PCSK5: variants seen among roughly 807,000 people sequenced by gnomAD.
PCSK5 encodes the protein proprotein convertase subtilisin/kexin type 5.
Under a neutral mutation model 233.2 loss-of-function variants are expected in PCSK5, and 129 were observed. The observed-to-expected ratio is 0.55, with a 90% confidence interval of 0.48 to 0.64. PCSK5 has a LOEUF of 0.64. PCSK5 is among the 30% of genes least tolerant of loss of function. PCSK5 has a pLI of 0.00. For synonymous variants in PCSK5, 825 were observed against 879.2 expected, an observed-to-expected ratio of 0.94 and a Z score of 1.09; for missense variants, 2,076 against 2,430.1, an observed-to-expected ratio of 0.85 and a Z score of 3.06.
rs1197761299 is a variant in PCSK5, at chr9:76,361,724, C to A, written c.*2802C>A. ...ACTCAAAATAAATAAATAACATTATCTCTTCAAAATGTATCTGAAGCCCTG... is the reference window on the plus strand; with the variant it reads ...ACTCAAAATAAATAAATAACATTATATCTTCAAAATGTATCTGAAGCCCTG... On this transcript the variant is annotated 3_prime_UTR_variant, in exon 38 of 38. Transcript: ENST00000674117. The A allele has an allele frequency of 6.6e-6, 1 of 152,166 alleles. No individual in the cohort carries two copies. Among genetic ancestry groups the A allele is most frequent in the African/African-American group, 2.4e-5 (1 of 41,442 alleles). 9.4% of individuals were successfully genotyped at this position (152,166 alleles called of 1,614,324 possible). A position where few individuals can be genotyped will look rare whatever the true frequency, so the allele number is the denominator to read the frequency against.
At chr9:76,358,071 A>G (rs1388315148) in intron 37 of PCSK5, among the ~76,000 whole-genome samples, 1 of 152,206 alleles carries the variant, frequency 6.6e-6, no homozygotes, top group African/African-American at 2.4e-5. Context: ...TGACTGACCT[A>G]CGAGGTATGG....
chr9:76,233,329 C>T, intron 21 of PCSK5, 131 bp from the exon 22 acceptor site: 1 of 854,970 alleles, frequency 1.2e-6, no homozygotes, highest in Non-Finnish European at 1.8e-6. Flanking sequence ...TGATCACTCC[C>T]AGGCATCCCC....
intron 9 of PCSK5, among the ~76,000 whole-genome samples, chr9:76,116,640 A>G (rs142481898): frequency 1.1e-3 from 165 of 152,288 alleles, no homozygotes; most frequent in African/African-American, 3.5e-3. Flanking sequence ...TGAATGCTTT[A>G]TGCCAAATAC....
intron 2 of PCSK5, among the ~76,000 whole-genome samples, chr9:75,961,969 T>C (rs947174403): frequency 5.3e-5 from 8 of 152,198 alleles, no homozygotes; most frequent in Admixed American, 4.6e-4. Flanking sequence ...GTGCTCACCA[T>C]GGGCAGTAGG....
chr9:76,175,231 G>A (rs1459062275), intron 14 of PCSK5, 102 bp downstream of exon 14: 1 of 619,078 alleles, frequency 1.6e-6, no homozygotes, highest in Non-Finnish European at 2.5e-6. Flanking sequence ...GAAATGGAAT[G>A]GAATGAAATG....
chr9:75,951,051 T>C (rs113165535), intron 2 of PCSK5, among the ~76,000 whole-genome samples: 25 of 152,298 alleles, frequency 1.6e-4, no homozygotes, highest in African/African-American at 5.8e-4. Context: ...GGAGAAAGTT[T>C]CCACCCGGTA....
At chr9:76,065,240 A>T (rs150809120) in intron 5 of PCSK5, among the ~76,000 whole-genome samples, 1 of 152,194 alleles carries the variant, frequency 6.6e-6, no homozygotes, top group East Asian at 1.9e-4. Context: ...TGTAGTGGCT[A>T]TACTAATTTA....
chr9:76,243,959 C>A (rs1826504498), intron 24 of PCSK5, among the ~76,000 whole-genome samples: 1 of 152,216 alleles, frequency 6.6e-6, no homozygotes, highest in African/African-American at 2.4e-5. Flanking sequence ...TGCAATGGCT[C>A]ACGCCTATAA....
chr9:75,951,908 A>T (rs1563933508), intron 2 of PCSK5, among the ~76,000 whole-genome samples: 1 of 152,048 alleles, frequency 6.6e-6, no homozygotes, highest in East Asian at 1.9e-4. Context: ...TAGTATTCTC[A>T]CAAATACCAA....
chr9:76,115,620 T>C (rs1832393240), intron 9 of PCSK5, among the ~76,000 whole-genome samples: 1 of 152,098 alleles, frequency 6.6e-6, no homozygotes, highest in African/African-American at 2.4e-5. Flanking sequence ...CCAAATACCA[T>C]CAAATATGAT....
At chr9:76,195,363 T>C (rs2097775812) in intron 20 of PCSK5, 1 of 152,142 alleles carries the variant, frequency 6.6e-6, no homozygotes, top group Admixed American at 6.6e-5. Context: ...CTGTGATTGA[T>C]AGGAAAGATA....
At chr9:76,137,742 G>A (rs2131757126) in intron 10 of PCSK5, among the ~76,000 whole-genome samples, 1 of 152,118 alleles carries the variant, frequency 6.6e-6, no homozygotes. Context: ...ATTTGCCTTA[G>A]ACCAGATGAA....
intron 24 of PCSK5, among the ~76,000 whole-genome samples, chr9:76,275,176 G>A (rs970503739): frequency 2.6e-5 from 4 of 151,964 alleles, no homozygotes; most frequent in African/African-American, 7.2e-5. Context: ...TTAACATGAG[G>A]TTTGGATGGT....
At chr9:76,186,947 A>G (rs1033370680) in intron 17 of PCSK5, among the ~76,000 whole-genome samples, 1 of 152,080 alleles carries the variant, frequency 6.6e-6, no homozygotes, top group Non-Finnish European at 1.5e-5. Flanking sequence ...CATTTTTCTA[A>G]GGGCTTCCAG....
rs935851107 is a variant in PCSK5, at chr9:76,362,784, G to A, written c.*3862G>A. Among the ~76,000 whole-genome samples the A allele has an allele frequency of 1.3e-5, 2 of 152,142 alleles. No individual in the cohort carries two copies. The highest frequency in any genetic ancestry group is 2.4e-5 in the African/African-American group (1 of 41,444). ...AAAAATCCCTGTCCTGTGCTGTTTC[G>A]TTCTGATTACTGGTGCATGCAGTCC... is the stretch of plus-strand genomic sequence containing the variant. On this transcript the variant is annotated 3_prime_UTR_variant, in exon 38 of 38. Transcript: ENST00000674117.
chr9:76,223,505 A>G (rs781008644), intron 20 of PCSK5, among the ~76,000 whole-genome samples: 5 of 152,244 alleles, frequency 3.3e-5, no homozygotes, highest in Non-Finnish European at 7.3e-5. Flanking sequence ...GTAACTTTTT[A>G]AAATTTATAA....
chr9:76,140,681 G>A (rs944289188), intron 10 of PCSK5, among the ~76,000 whole-genome samples: 9 of 151,972 alleles, frequency 5.9e-5, no homozygotes, highest in Non-Finnish European at 1.2e-4. Flanking sequence ...CAATGATAAT[G>A]CAACTATACT....
intron 20 of PCSK5, among the ~76,000 whole-genome samples, chr9:76,210,261 C>T (rs918072815): frequency 6.6e-6 from 1 of 152,098 alleles, no homozygotes; most frequent in Non-Finnish European, 1.5e-5. Flanking sequence ...AGTTCAACGT[C>T]GTGGAGAAAC....
At chr9:75,925,251 A>G (rs1017139552) in intron 1 of PCSK5, among the ~76,000 whole-genome samples, 2 of 152,196 alleles carry the variant, frequency 1.3e-5, no homozygotes, top group African/African-American at 4.8e-5. Flanking sequence ...CCATGTATTT[A>G]CTAAGCATAG....
Sources: gnomAD v4.1 joint callset for allele counts (sites outside exome capture counted in the v4.1 genomes callset) on GRCh38, gnomAD v4.1.1 for gene constraint, MANE v1.5 for transcripts, NCBI Gene and HGNC (gene_info 2026-07-23, HGNC 2026-07-21) for gene names.